PLCB1: variants seen among roughly 807,000 people sequenced by gnomAD.
PLCB1 encodes 1-phosphatidylinositol 4,5-bisphosphate phosphodiesterase beta-1.
Under a neutral mutation model 161.8 loss-of-function variants are expected in PLCB1, and 46 were observed. The observed-to-expected ratio is 0.28, with a 90% confidence interval of 0.22 to 0.36. The LOEUF (loss-of-function observed/expected upper bound fraction) is 0.36, where lower values mean the gene tolerates loss of function less well. Among genes scored for constraint, PLCB1 ranks in the 10% least tolerant of loss-of-function variants. The pLI is 1.00. For missense variants in PLCB1, 1,016 were observed against 1,472.5 expected (o/e 0.69, Z 5.07); for synonymous variants, 517 against 503.7 (o/e 1.03, Z -0.35).
intron 9 of PLCB1, among the ~76,000 whole-genome samples, chr20:8,683,554 CA>C (rs898248394): frequency 2.6e-5 from 4 of 152,104 alleles, no homozygotes; most frequent in Non-Finnish European, 5.9e-5. Flanking sequence ...AAGATTATGA[CA>C]AAAAATTGTC....
chr20:8,701,917 C>T (rs1978387065), intron 11 of PLCB1, among the ~76,000 whole-genome samples: 1 of 152,222 alleles, frequency 6.6e-6, no homozygotes, highest in African/African-American at 2.4e-5. Flanking sequence ...CTGCCCTGAA[C>T]ATTTGGGCCA....
chr20:8,343,455 C>T (rs948591413), intron 2 of PLCB1, among the ~76,000 whole-genome samples: 11 of 152,124 alleles, frequency 7.2e-5, no homozygotes, highest in Non-Finnish European at 8.8e-5. Flanking sequence ...GGTCTGGGAA[C>T]CCCACTTTGA....
At chr20:8,455,274 G>A (rs1981252496) in intron 3 of PLCB1, among the ~76,000 whole-genome samples, 1 of 147,534 alleles carries the variant, frequency 6.8e-6, no homozygotes, top group Admixed American at 6.8e-5. Flanking sequence ...GTTGCGATGA[G>A]CCGAGATTGT....
chr20:8,762,642 A>C (rs1332479452), intron 25 of PLCB1, among the ~76,000 whole-genome samples: 1 of 152,204 alleles, frequency 6.6e-6, no homozygotes, highest in African/African-American at 2.4e-5. Flanking sequence ...GTAATAATTT[A>C]TTATGCAACC....
chr20:8,248,669 G>C (rs1188155737), intron 2 of PLCB1: 1 of 151,894 alleles, frequency 6.6e-6, no homozygotes, highest in African/African-American at 2.4e-5. Context: ...TTTGTAAGCA[G>C]CTACTAAAGC....
At chr20:8,651,413 G>T in intron 7 of PLCB1, 1 of 721,008 alleles carries the variant, frequency 1.4e-6, no homozygotes, top group Non-Finnish European at 2.6e-6. Context: ...TCTTCTATAG[G>T]TGGAAAAAGC....
chr20:8,857,801 T>G (rs559455527), intron 31 of PLCB1, among the ~76,000 whole-genome samples: 2 of 152,242 alleles, frequency 1.3e-5, no homozygotes, highest in African/African-American at 4.8e-5. Flanking sequence ...ATCTGCCTTT[T>G]TCTGATCAGT....
rs2051481206 is a variant in PLCB1, at chr20:8,148,866, A to G, written c.100-1428A>G. ...CTCCAATTATTTAATTACCTGGAGT[A>G]GTCAAATTCATGGATACAGAGAGTA... On this transcript the variant is annotated intron_variant, in intron 1 of 31. Transcript: ENST00000338037. Among the ~76,000 whole-genome samples the G allele has an allele frequency of 3.3e-5, 5 of 152,254 alleles. No homozygotes were observed. In the South Asian group the frequency reaches 1.0e-3, roughly 31 times the overall value.
At chr20:8,816,727 G>T (rs891682044) in intron 31 of PLCB1, among the ~76,000 whole-genome samples, 1 of 152,178 alleles carries the variant, frequency 6.6e-6, no homozygotes, top group Non-Finnish European at 1.5e-5. Flanking sequence ...GGTGGCCAAA[G>T]GGTGCTTTGC....
intron 3 of PLCB1, among the ~76,000 whole-genome samples, chr20:8,445,861 T>C (rs1004190578): frequency 6.6e-6 from 1 of 152,120 alleles, no homozygotes; most frequent in African/African-American, 2.4e-5. Flanking sequence ...CTGTTATTGG[T>C]GTATAAGAAT....
chr20:8,663,866 T>C (rs1453837054), intron 9 of PLCB1, among the ~76,000 whole-genome samples: 1 of 152,136 alleles, frequency 6.6e-6, no homozygotes, highest in African/African-American at 2.4e-5. Flanking sequence ...AAAATGTTCA[T>C]GAATATCGTA....
At chr20:8,522,195 A>G (rs1361293170) in intron 3 of PLCB1, among the ~76,000 whole-genome samples, 7 of 152,288 alleles carry the variant, frequency 4.6e-5, no homozygotes, top group East Asian at 1.9e-4. Context: ...CAGAGATGCA[A>G]TGTAGGATCT....
At chr20:8,225,943 T>A (rs1043395606) in intron 2 of PLCB1, among the ~76,000 whole-genome samples, 1 of 152,238 alleles carries the variant, frequency 6.6e-6, no homozygotes, top group Non-Finnish European at 1.5e-5. Flanking sequence ...CGTTTAAAAC[T>A]TTTTCAGCCT....
chr20:8,458,551 T>C (rs1326539997), intron 3 of PLCB1, among the ~76,000 whole-genome samples: 10 of 152,214 alleles, frequency 6.6e-5, no homozygotes, highest in Admixed American at 5.9e-4. Context: ...CAACAAGAAA[T>C]TGCCCAGGCC....
chr20:8,449,242 G>A (rs191113476), intron 3 of PLCB1, among the ~76,000 whole-genome samples: 1 of 152,250 alleles, frequency 6.6e-6, no homozygotes, highest in East Asian at 1.9e-4. Context: ...ACATCTTATG[G>A]AGGAGGTAAC....
chr20:8,540,095 AATG>A (rs929399748), intron 3 of PLCB1, among the ~76,000 whole-genome samples: 1 of 152,200 alleles, frequency 6.6e-6, no homozygotes, highest in Non-Finnish European at 1.5e-5. Flanking sequence ...GGCTAACAAG[AATG>A]ATATCAATTT....
intron 19 of PLCB1, among the ~76,000 whole-genome samples, chr20:8,736,051 A>G (rs1024829673): frequency 1.3e-5 from 2 of 152,184 alleles, no homozygotes; most frequent in Non-Finnish European, 1.5e-5. Context: ...GAGCCCAGCC[A>G]TAATGCTGTC....
chr20:8,571,176 T>G (rs770065878), intron 3 of PLCB1, among the ~76,000 whole-genome samples: 1 of 152,172 alleles, frequency 6.6e-6, no homozygotes, highest in African/African-American at 2.4e-5. Flanking sequence ...TTTGTGTTTT[T>G]TAGAAATCTG....
chr20:8,153,562 C>G (rs950619303), intron 2 of PLCB1, among the ~76,000 whole-genome samples: 1 of 152,088 alleles, frequency 6.6e-6, no homozygotes, highest in Admixed American at 6.6e-5. Flanking sequence ...CTATAAGAAT[C>G]TGCTCCACCG....
Sources: allele counts gnomAD v4.1 joint callset (sites outside exome capture counted in the v4.1 genomes callset), GRCh38; gene constraint gnomAD v4.1.1; transcripts MANE v1.5; gene names NCBI Gene and HGNC (gene_info 2026-07-23, HGNC 2026-07-21).